GSG1L: variants seen among roughly 807,000 people sequenced by gnomAD.
GSG1L encodes the protein germ cell-specific gene 1-like protein.
A neutral mutation model predicts 42.1 loss-of-function variants in GSG1L; 24 were observed. That is an observed-to-expected ratio of 0.57 (90% confidence interval 0.41 to 0.80). The LOEUF (loss-of-function observed/expected upper bound fraction) is 0.80, where lower values mean the gene tolerates loss of function less well. GSG1L is among the 30% of genes least tolerant of loss of function. The pLI is 0.00. For synonymous variants in GSG1L, 215 were observed against 203.5 expected (o/e 1.06, Z -0.48); for missense variants, 445 against 472.2 (o/e 0.94, Z 0.53).
intron 2 of GSG1L, among the ~76,000 whole-genome samples, chr16:27,893,059 TA>T (rs981720376): frequency 6.6e-6 from 1 of 151,982 alleles, no homozygotes; most frequent in African/African-American, 2.4e-5. Context: ...AAAGCCTCCA[TA>T]ATGGTGGGGA....
rs1028070615 is a variant in GSG1L at position 27,884,948 on chromosome 16, G to A, written c.398-310C>T. Among the ~76,000 whole-genome samples the A allele has an allele frequency of 2.6e-5, 4 of 152,038 alleles. No individual in the cohort carries two copies. The highest frequency in any genetic ancestry group is 4.8e-5 in the African/African-American group (2 of 41,400). On this transcript the variant is annotated intron_variant, in intron 2 of 6. Coordinates refer to ENST00000447459, the MANE Select transcript of GSG1L (RefSeq NM_001109763.2). This position sits in a 1 kb window ranked among gnomAD's most constrained non-coding sequence, Gnocchi z 4.4. ...GATCACCACTGAGAGCCAGCTTGCCGCCACCAGTTTAGGGTGAAGCTGACA... is the reference window on the plus strand; with the variant it reads ...GATCACCACTGAGAGCCAGCTTGCCACCACCAGTTTAGGGTGAAGCTGACA...
intron 6 of GSG1L, among the ~76,000 whole-genome samples, chr16:27,792,911 T>C (rs749311159): frequency 1.4e-4 from 22 of 152,250 alleles, no homozygotes; most frequent in Non-Finnish European, 4.4e-5. Flanking sequence ...CGAGGCTCTG[T>C]AAGGATTAGT....
intron 1 of GSG1L, among the ~76,000 whole-genome samples, chr16:27,990,622 AACCTCAAGATATTTTGGG>A (rs1397280506): frequency 6.6e-6 from 1 of 152,200 alleles, no homozygotes; most frequent in African/African-American, 2.4e-5. Context: ...CAGGTCCAGG[AACCTCAAGATATTTTGGG>A]ACCTCAAGAA....
chr16:27,884,372 A>G lies in GSG1L; in HGVS notation c.550+114T>C. 1 of 961,854 alleles carries G rather than the reference A, an allele frequency of 1.0e-6. No individual in the cohort carries two copies. The highest frequency in any genetic ancestry group is 1.5e-6 in the Non-Finnish European group (1 of 663,328). The allele number at this position is 961,854 out of a possible 1,614,324, so 59.6% of individuals were successfully genotyped here. On this transcript the variant is annotated intron_variant, in intron 3 of 6. Coordinates refer to ENST00000447459, the MANE Select transcript of GSG1L (RefSeq NM_001109763.2). The surrounding 1 kb of genome is among the most constrained non-coding windows in gnomAD (Gnocchi z 4.4). ...TACAAACGATAAAACTGAGGCTCAC[A>G]GAAGAGAAGCAATTTGTCCAATGCC...
intron 1 of GSG1L, among the ~76,000 whole-genome samples, chr16:28,027,402 A>G (rs1567560974): frequency 6.6e-6 from 1 of 152,166 alleles, no homozygotes. Flanking sequence ...CTAGGGTTGC[A>G]AGGCAGGTGG....
rs1049457459 is a variant in GSG1L, at chr16:27,936,444, C to T, written c.397+26712G>A. ...TGCAGGAGCTGGTTGTTGAAAAGAG[C>T]CCGGCACCTCCCTCCGTCTCTTGCC... On this transcript the variant is annotated intron_variant, in intron 2 of 6. Transcript: ENST00000447459. Among the ~76,000 whole-genome samples, 7 of 152,114 alleles carry T rather than the reference C, an allele frequency of 4.6e-5. 1 individual carries two copies. The highest frequency in any genetic ancestry group is 1.7e-4 in the African/African-American group (7 of 41,408).
chr16:27,906,287 T>A (rs1361592091), intron 2 of GSG1L, among the ~76,000 whole-genome samples: 1 of 152,064 alleles, frequency 6.6e-6, no homozygotes, highest in East Asian at 1.9e-4. Flanking sequence ...TTAAGCAAAA[T>A]TTTTCAACTA....
At chr16:27,943,357 A>G (rs1362476225) in intron 2 of GSG1L, among the ~76,000 whole-genome samples, 1 of 152,202 alleles carries the variant, frequency 6.6e-6, no homozygotes, top group Non-Finnish European at 1.5e-5. Context: ...ATGAACAAAT[A>G]GAAGGTGGTG....
chr16:27,802,330 G>A (rs933100776), intron 6 of GSG1L, among the ~76,000 whole-genome samples: 2 of 152,102 alleles, frequency 1.3e-5, no homozygotes, highest in Admixed American at 6.5e-5. Context: ...GATCTCTCAC[G>A]CATGCCAGCA....
At position 27,946,684 on chromosome 16, in the gene GSG1L, GAAAGAAAGAATT is replaced by G. The variant is rs1354362406; in HGVS notation, c.397+16460_397+16471del. Among the ~76,000 whole-genome samples, 503 of 147,344 alleles carry G rather than the reference GAAAGAAAGAATT, an allele frequency of 3.4e-3. 14 individuals carry two copies. Among genetic ancestry groups the G allele is most frequent in the African/African-American group, 7.4e-3 (298 of 40,164 alleles). ...AGAAAGAAAGAAAGAAAGAAAGAAA[GAAAGAAAGAATT>G]AAATGAAGCAAGGGGTATGAGAGTA... is the stretch of plus-strand genomic sequence containing the variant. On this transcript the variant is annotated intron_variant, in intron 2 of 6. Transcript: ENST00000447459.
chr16:27,874,998 C>T (rs1030604721), intron 3 of GSG1L, among the ~76,000 whole-genome samples: 8 of 152,268 alleles, frequency 5.3e-5, no homozygotes, highest in Admixed American at 4.6e-4. Context: ...TGCATCAGCA[C>T]AGACCAGCTG....
chr16:27,804,103 A>G (rs2082928527), intron 6 of GSG1L, among the ~76,000 whole-genome samples: 2 of 151,930 alleles, frequency 1.3e-5, no homozygotes, highest in South Asian at 4.2e-4. Flanking sequence ...AGGGACAGAG[A>G]GAGAGAGAGA....
chr16:27,796,430 C>T (rs1554090), intron 6 of GSG1L, among the ~76,000 whole-genome samples: 26,583 of 152,206 alleles, frequency 0.17, 2,376 homozygotes, highest in African/African-American at 0.23. Context: ...GGTGTCATCA[C>T]ATATGGGAAT....
chr16:27,900,327 A>G (rs764002785), intron 2 of GSG1L, among the ~76,000 whole-genome samples: 39 of 152,230 alleles, frequency 2.6e-4, no homozygotes, highest in Non-Finnish European at 1.6e-4. Flanking sequence ...CTTGGGTGCT[A>G]TTACCATCTC....
At chr16:27,816,462 C>A (rs2083095514) in intron 5 of GSG1L, among the ~76,000 whole-genome samples, 1 of 152,074 alleles carries the variant, frequency 6.6e-6, no homozygotes, top group South Asian at 2.1e-4. Context: ...ATGGAAGAGC[C>A]CCAGGGAAAG....
At chr16:28,042,631 T>C (rs2086119555) in intron 1 of GSG1L, among the ~76,000 whole-genome samples, 1 of 152,018 alleles carries the variant, frequency 6.6e-6, no homozygotes, top group Non-Finnish European at 1.5e-5. Flanking sequence ...TAAAGAGATC[T>C]TTCCATACAG....
chr16:27,899,510 A>G (rs926420457), intron 2 of GSG1L, among the ~76,000 whole-genome samples: 5 of 152,284 alleles, frequency 3.3e-5, no homozygotes, highest in African/African-American at 1.2e-4. Context: ...TGAGCCCAGG[A>G]GTTCAAGGCC....
intron 2 of GSG1L, among the ~76,000 whole-genome samples, chr16:27,938,824 A>G (rs2084751395): frequency 6.6e-6 from 1 of 152,208 alleles, no homozygotes; most frequent in Non-Finnish European, 1.5e-5. Flanking sequence ...CTCTGGCAAG[A>G]AAGAGGATCA....
intron 2 of GSG1L, among the ~76,000 whole-genome samples, chr16:27,912,349 A>G (rs2084401847): frequency 6.6e-6 from 1 of 152,152 alleles, no homozygotes; most frequent in Non-Finnish European, 1.5e-5. Flanking sequence ...CCTGGTCTCT[A>G]CTAAAAACAT....
Sources: allele counts gnomAD v4.1 joint callset (sites outside exome capture counted in the v4.1 genomes callset), GRCh38; gene constraint gnomAD v4.1.1; non-coding constraint Gnocchi (gnomAD v3.1); transcripts MANE v1.5; gene names NCBI Gene and HGNC (gene_info 2026-07-23, HGNC 2026-07-21).